ADGRD1: variants seen among roughly 807,000 people sequenced by gnomAD.
The protein encoded by ADGRD1 is adhesion G protein-coupled receptor D1, also known as G-protein coupled receptor 133.
A neutral mutation model predicts 113.4 loss-of-function variants in ADGRD1; 77 were observed. The observed-to-expected ratio is 0.68, with a 90% CI of 0.57 to 0.82. ADGRD1 has a LOEUF of 0.82. ADGRD1 is among the 40% of genes least tolerant of loss of function. ADGRD1 has a pLI of 0.00. For synonymous variants in ADGRD1, 474 were observed against 475.0 expected (o/e 1.00, Z 0.03); for missense variants, 1,036 against 1,139.1 (o/e 0.91, Z 1.30).
At chr12:131,024,895 T>G (rs1879772855) in intron 13 of ADGRD1, among the ~76,000 whole-genome samples, 1 of 152,224 alleles carries the variant, frequency 6.6e-6, no homozygotes. Flanking sequence ...CGGGCCATTT[T>G]CTCACTGGTC....
chr12:130,958,985 C>T (rs1437825399), intron 2 of ADGRD1, among the ~76,000 whole-genome samples: 1 of 152,160 alleles, frequency 6.6e-6, no homozygotes, highest in African/African-American at 2.4e-5. Flanking sequence ...AATATTAAGC[C>T]CAAGAAGCTC....
chr12:130,979,783 G>C (rs1015179448), intron 4 of ADGRD1, among the ~76,000 whole-genome samples: 2 of 148,694 alleles, frequency 1.3e-5, no homozygotes, highest in Admixed American at 6.7e-5. Flanking sequence ...ATTTCCAGCT[G>C]TCAGGGGCAG....
chr12:131,068,854 C>A (rs1380145402), intron 13 of ADGRD1, among the ~76,000 whole-genome samples: 2 of 152,206 alleles, frequency 1.3e-5, no homozygotes, highest in Non-Finnish European at 2.9e-5. Context: ...GCCCAGGAGC[C>A]AAATTGAAAA....
intron 15 of ADGRD1, among the ~76,000 whole-genome samples, chr12:131,094,907 C>T (rs997635644): frequency 1.1e-4 from 16 of 152,184 alleles, no homozygotes; most frequent in African/African-American, 3.9e-4. Flanking sequence ...TGGGAGCTCA[C>T]CCGGGGGAGG....
At chr12:131,101,700 G>T (rs920514486) in intron 15 of ADGRD1, among the ~76,000 whole-genome samples, 1 of 152,068 alleles carries the variant, frequency 6.6e-6, no homozygotes, top group Non-Finnish European at 1.5e-5. Context: ...GTTTTTAACT[G>T]AATTCAGTTT....
intron 4 of ADGRD1, among the ~76,000 whole-genome samples, chr12:130,979,755 G>T (rs1175536752): frequency 2.0e-5 from 3 of 151,854 alleles, no homozygotes; most frequent in Non-Finnish European, 4.4e-5. Context: ...GCTTGGCGGG[G>T]GTGAGGCAGC....
chr12:131,138,653 C>T (rs73470846), intron 24 of ADGRD1, among the ~76,000 whole-genome samples: 5,326 of 152,224 alleles, frequency 0.035, 289 homozygotes, highest in African/African-American at 0.11. Flanking sequence ...AGTCCTTCCC[C>T]GCACACGGTG....
At position 131,027,451 on chromosome 12, in the gene ADGRD1, G is replaced by A. The variant is rs553833821; in HGVS notation, c.1473+13111G>A. On this transcript the variant is annotated intron_variant, in intron 13 of 24. Coordinates refer to ENST00000261654, the MANE Select transcript of ADGRD1 (RefSeq NM_198827.5). This position sits in a 1 kb window ranked among gnomAD's most constrained non-coding sequence, Gnocchi z 5.1. ...TTCTCACGGCTGCTTAATAGTCTAC[G>A]TTTGTCATCCTGCTGGTGTGCGTCT... 2 of 152,128 alleles carry A rather than the reference G, an allele frequency of 1.3e-5. No individual in the cohort carries two copies. Among genetic ancestry groups the A allele is most frequent in the Non-Finnish European group, 2.9e-5 (2 of 68,034 alleles). 9.4% of individuals were successfully genotyped at this position (152,128 alleles called of 1,614,324 possible).
chr12:131,005,327 C>T (rs1876948043), intron 11 of ADGRD1, among the ~76,000 whole-genome samples: 3 of 152,234 alleles, frequency 2.0e-5, no homozygotes, highest in Admixed American at 1.3e-4. Context: ...ACCAGCATCT[C>T]CTGGCCGCAT....
chr12:131,135,095 T>C (rs1341461863), intron 21 of ADGRD1, among the ~76,000 whole-genome samples: 1 of 152,236 alleles, frequency 6.6e-6, no homozygotes, highest in Non-Finnish European at 1.5e-5. Context: ...CAGGATGGAC[T>C]GGGCTTGAGG....
chr12:131,037,097 T>TG (rs1881545939), intron 13 of ADGRD1, among the ~76,000 whole-genome samples: 2 of 109,728 alleles, frequency 1.8e-5, no homozygotes, highest in African/African-American at 3.7e-5. Flanking sequence ...CTCACTGCAC[T>TG]GGGCCTCACT....
At chr12:131,110,291 C>T (rs1169701380) in intron 18 of ADGRD1, among the ~76,000 whole-genome samples, 1 of 151,614 alleles carries the variant, frequency 6.6e-6, no homozygotes, top group Non-Finnish European at 1.5e-5. Context: ...TCCTTTACTT[C>T]TTTCTTTTGA....
At chr12:131,011,228 A>G (rs1256847765) in intron 12 of ADGRD1, among the ~76,000 whole-genome samples, 2 of 148,972 alleles carry the variant, frequency 1.3e-5, no homozygotes, top group East Asian at 4.0e-4. Flanking sequence ...TACTGGAGGA[A>G]AATGCTCCTA....
chr12:130,996,711 C>A (rs1462232538), intron 8 of ADGRD1, among the ~76,000 whole-genome samples: 1 of 90,484 alleles, frequency 1.1e-5, no homozygotes, highest in Non-Finnish European at 2.4e-5. Context: ...GGGGGGCTGA[C>A]CCCCCCACCA....
At position 131,075,546 on chromosome 12, in the gene ADGRD1, C is replaced by T. The variant is rs1346635153; in HGVS notation, c.1474-1255C>T. On this transcript the variant is annotated intron_variant, in intron 13 of 24. Coordinates refer to ENST00000261654, the MANE Select transcript of ADGRD1 (RefSeq NM_198827.5). This position sits in a 1 kb window ranked among gnomAD's most constrained non-coding sequence, Gnocchi z 5.3. ...TGGGGGACAAAGCAAAAAGAGTAAA[C>T]GTTCCATTTTGCCAAAACATTAGTA... Among the ~76,000 whole-genome samples, 2 of 152,166 alleles carry T rather than the reference C, an allele frequency of 1.3e-5. No homozygotes were observed. Among genetic ancestry groups the T allele is most frequent in the African/African-American group, 2.4e-5 (1 of 41,422 alleles).
intron 13 of ADGRD1, among the ~76,000 whole-genome samples, chr12:131,036,776 CGGGCCTCACTCACGGCACT>C (rs1881488012): frequency 3.0e-5 from 4 of 132,870 alleles, no homozygotes; most frequent in African/African-American, 8.4e-5. Context: ...CTCACTGCAC[CGGGCCTCACTCACGGCACT>C]GGGTCTCACT....
At position 131,041,409 on chromosome 12, in the gene ADGRD1, A is replaced by C. The variant is rs12813943; in HGVS notation, c.1473+27069A>C. ...TTTCCCTGTCCAGTGGAAAGCCTCGATGGGGAGCTGACCCAGCCACCTGAA... is the reference window on the plus strand; with the variant it reads ...TTTCCCTGTCCAGTGGAAAGCCTCGCTGGGGAGCTGACCCAGCCACCTGAA... On this transcript the variant is annotated intron_variant, in intron 13 of 24. Transcript: ENST00000261654. This position sits in a 1 kb window ranked among gnomAD's most constrained non-coding sequence, Gnocchi z 4.4. 0.26 allele frequency among the ~76,000 whole-genome samples: 39,398 copies of C among 151,998 alleles called. 5,753 individuals are homozygous for C. The highest frequency in any genetic ancestry group is 0.34 in the Non-Finnish European group (22,773 of 67,922).
chr12:130,963,319 CAAAAAAA>C (rs61220467), intron 2 of ADGRD1, among the ~76,000 whole-genome samples: 1 of 75,050 alleles, frequency 1.3e-5, no homozygotes, highest in Admixed American at 1.7e-4. Flanking sequence ...GACTCCGTCT[CAAAAAAA>C]AAAAAAAAAA....
intron 13 of ADGRD1, among the ~76,000 whole-genome samples, chr12:131,028,389 C>T (rs564680915): frequency 9.2e-5 from 14 of 152,214 alleles, no homozygotes; most frequent in Admixed American, 5.2e-4. Context: ...ATCTCTTACA[C>T]GGGGTCTTCC....
Sources: allele counts gnomAD v4.1 joint callset (sites outside exome capture counted in the v4.1 genomes callset), GRCh38; gene constraint gnomAD v4.1.1; non-coding constraint Gnocchi (gnomAD v3.1); transcripts MANE v1.5; gene names NCBI Gene and HGNC (gene_info 2026-07-23, HGNC 2026-07-21).